Variants in IFI44L observed in about 807,000 individuals in gnomAD.
The protein encoded by IFI44L is interferon-induced protein 44-like.
A neutral mutation model predicts 39.3 loss-of-function variants in IFI44L; 40 were observed. That is an observed-to-expected ratio of 1.02 (90% confidence interval 0.79 to 1.33). The LOEUF is 1.33. Among genes scored for constraint, IFI44L ranks in the 40% most tolerant of loss-of-function variants. IFI44L has a pLI of 0.00. For missense variants in IFI44L, 623 were observed against 549.0 expected, an observed-to-expected ratio of 1.13 and a Z score of -1.35; for synonymous variants, 198 against 182.3, an observed-to-expected ratio of 1.09 and a Z score of -0.69.
Position 78,629,913 on chromosome 1 carries a change from CG to C in IFI44L, c.723+1del. On this transcript the variant is annotated frameshift_variant and splice_region_variant, in exon 4 of 9. Transcript: ENST00000370751. LOFTEE classifies it high-confidence loss of function. ...VGSDITSITE[R>X]YRIYSVKDGK... ...GTCTGATATCACCAGCATAACCGAG[CG>C]GGTAAGTTATTTCCCTGAGGATTTT... 1 of 1,610,308 alleles carries C rather than the reference CG, an allele frequency of 6.2e-7. No homozygotes were observed. The highest frequency in any genetic ancestry group is 8.5e-7 in the Non-Finnish European group (1 of 1,177,668).
At chr1:78,626,417 C>T (rs1372376390) in intron 1 of IFI44L, 1 of 151,970 alleles carries the variant, frequency 6.6e-6, no homozygotes, top group Non-Finnish European at 1.5e-5. Context: ...GGTTTTCTAT[C>T]ATGTTGTTTC....
At chr1:78,628,713 C>T (rs1387707563) in intron 2 of IFI44L, 1 of 522,666 alleles carries the variant, frequency 1.9e-6, no homozygotes, top group Admixed American at 3.6e-5. Flanking sequence ...AAGATCAGAC[C>T]CTTATATGAC....
chr1:78,634,986 T>TTATA (rs542117055), intron 4 of IFI44L, among the ~76,000 whole-genome samples: 19 of 137,624 alleles, frequency 1.4e-4, no homozygotes, highest in African/African-American at 5.1e-4. Context: ...AAACATACCA[T>TTATA]TATATATATA....
At chr1:78,635,238 A>G (rs1652900657) in intron 4 of IFI44L, 99 bp from the exon 5 acceptor site, 3 of 937,136 alleles carry the variant, frequency 3.2e-6, no homozygotes, top group Middle Eastern at 2.9e-4. Context: ...TTTGAGGACC[A>G]TGGTGTTCAA....
rs151125210 is a variant in IFI44L at position 78,628,264 on chromosome 1, T to C, written c.349T>C (p.Ser117Pro). Residue 117 changes from serine to proline, a missense_variant, in exon 2 of 9, where the codon TCG (serine) becomes CCG (proline). Coordinates refer to ENST00000370751, the MANE Select transcript of IFI44L (RefSeq NM_006820.4). Reference sequence around the variant, plus strand: ...TGATGAGCAACTGGTGTGTCGTTTATCGAAAACGGATATTTTCATTATATG... The same window carrying C: ...TGATGAGCAACTGGTGTGTCGTTTACCGAAAACGGATATTTTCATTATATG... ...IIDEQLVCRL[S>P]KTDIFIICRD... 6.2e-6 allele frequency: 10 copies of C among 1,610,594 alleles called. No homozygotes were observed. In the African/African-American group the frequency reaches 1.2e-4, roughly 19 times the overall value.
In IFI44L at chr1:78,641,941, T is replaced by C. The variant is rs1570370472; in HGVS notation, c.*132T>C. 5 of 1,043,974 alleles carry C rather than the reference T, an allele frequency of 4.8e-6. No homozygotes were observed. The East Asian group carries it at 1.2e-4, about 25-fold the overall frequency. 64.7% of individuals were successfully genotyped at this position (1,043,974 alleles called of 1,614,324 possible). A position where few individuals can be genotyped will look rare whatever the true frequency, so the allele number is the denominator to read the frequency against. On this transcript the variant is annotated 3_prime_UTR_variant, in exon 9 of 9. Transcript: ENST00000370751. Reference sequence around the variant, plus strand: ...GCCTTCTGTCCTTGGAACAGTCATATCTCAAGTTCAAAGGCCAAAACCTGA... The same window carrying C: ...GCCTTCTGTCCTTGGAACAGTCATACCTCAAGTTCAAAGGCCAAAACCTGA...
intron 8 of IFI44L, 30 bp downstream of exon 8, chr1:78,641,639 AGAT>A (rs1646986145): frequency 6.2e-7 from 1 of 1,611,934 alleles, no homozygotes; most frequent in African/African-American, 1.3e-5. Flanking sequence ...CCCCTGTCAT[AGAT>A]CACTGGTGCC....
At position 78,641,887 on chromosome 1, in the gene IFI44L, C is replaced by A; in HGVS notation, c.*78C>A. 2 of 1,492,448 alleles carry A rather than the reference C, an allele frequency of 1.3e-6. No homozygotes were observed. The highest frequency in any genetic ancestry group is 1.9e-6 in the Non-Finnish European group (2 of 1,069,592). The allele number at this position is 1,492,448 out of a possible 1,614,324, so 92.5% of individuals were successfully genotyped here. A position where few individuals can be genotyped will look rare whatever the true frequency, so the allele number is the denominator to read the frequency against. Reference sequence around the variant, plus strand: ...ATGAGAGTCAATCTCTATTGACAGCCTGCTTCAGATTTTGCTTTTGTTCGT... The same window carrying A: ...ATGAGAGTCAATCTCTATTGACAGCATGCTTCAGATTTTGCTTTTGTTCGT... On this transcript the variant is annotated 3_prime_UTR_variant, in exon 9 of 9. Transcript: ENST00000370751.
chr1:78,627,204 C>T (rs926540389), intron 1 of IFI44L: 27 of 151,980 alleles, frequency 1.8e-4, no homozygotes, highest in African/African-American at 6.3e-4. Context: ...GTCTTAACTG[C>T]CTTGTTTGCT....
rs1433447426 is a variant in IFI44L at position 78,642,622 on chromosome 1, AAG to A, written c.*817_*818del. 6.6e-6 allele frequency: 1 copy of A among 152,026 alleles called. No homozygotes were observed. The highest frequency in any genetic ancestry group is 2.4e-5 in the African/African-American group (1 of 41,420). 9.4% of individuals were successfully genotyped at this position (152,026 alleles called of 1,614,324 possible). On this transcript the variant is annotated 3_prime_UTR_variant, in exon 9 of 9. Transcript: ENST00000370751. ...AACGAAAAACAGAAAGGAAGACTGA[AAG>A]AGAATGAAAAGCTGGGGAGAGGAAA...
At chr1:78,632,328 T>C (rs79959148) in intron 4 of IFI44L, among the ~76,000 whole-genome samples, 1 of 152,344 alleles carries the variant, frequency 6.6e-6, no homozygotes, top group East Asian at 1.9e-4. Context: ...GTATTCACTA[T>C]TCTGAGCCTG....
In IFI44L at chr1:78,643,113, T is replaced by C. The variant is rs896162168; in HGVS notation, c.*1304T>C. On this transcript the variant is annotated 3_prime_UTR_variant, in exon 9 of 9. Coordinates refer to ENST00000370751, the MANE Select transcript of IFI44L (RefSeq NM_006820.4). The stretch of plus-strand genomic sequence containing the variant: ...TCTAATTTAGTTTTAATCAGAATTA[T>C]ACTCATCTTTTGGGTAGTCATAGAT... The C allele has an allele frequency of 7.5e-6, 1 of 132,530 alleles. No homozygotes were observed. Among genetic ancestry groups the C allele is most frequent in the African/African-American group, 2.5e-5 (1 of 40,224 alleles). 8.2% of individuals were successfully genotyped at this position (132,530 alleles called of 1,614,324 possible).
rs1360621453 is a variant in IFI44L at position 78,645,698 on chromosome 1, C to A, written c.*3889C>A. The A allele has an allele frequency of 6.6e-6, 1 of 152,196 alleles. No individual in the cohort carries two copies. The highest frequency in any genetic ancestry group is 1.5e-5 in the Non-Finnish European group (1 of 68,046). The allele number at this position is 152,196 out of a possible 1,614,324, so 9.4% of individuals were successfully genotyped here. A position where few individuals can be genotyped will look rare whatever the true frequency, so the allele number is the denominator to read the frequency against. On this transcript the variant is annotated 3_prime_UTR_variant, in exon 9 of 9. Coordinates refer to ENST00000370751, the MANE Select transcript of IFI44L (RefSeq NM_006820.4). ...GAAGCCCTCAAATCCCATTCCTAATCTGATGAGTCTATGGACCAATTTGTG... is the reference window on the plus strand; with the variant it reads ...GAAGCCCTCAAATCCCATTCCTAATATGATGAGTCTATGGACCAATTTGTG...
rs869070951 is a variant in IFI44L at position 78,643,668 on chromosome 1, G to GTTT, written c.*1864_*1866dup. 1 of 79,594 alleles carries GTTT rather than the reference G, an allele frequency of 1.3e-5. No individual in the cohort carries two copies. The highest frequency in any genetic ancestry group is 4.7e-5 in the African/African-American group (1 of 21,218). 4.9% of individuals were successfully genotyped at this position (79,594 alleles called of 1,614,324 possible). The stretch of plus-strand genomic sequence containing the variant: ...TTTGTTGTTGTTTTTTTTTTTTTTT[G>GTTT]TTTTTTTGCTGAGTCAATTCCTTGG... On this transcript the variant is annotated 3_prime_UTR_variant, in exon 9 of 9. Transcript: ENST00000370751.
rs571416439 is a variant in IFI44L at position 78,628,506 on chromosome 1, G to A, written c.478+113G>A. 440 of 688,124 alleles carry A rather than the reference G, an allele frequency of 6.4e-4. 5 individuals carry two copies. The highest frequency in any genetic ancestry group is 6.1e-3 in the African/African-American group (339 of 55,910). 42.6% of individuals were successfully genotyped at this position (688,124 alleles called of 1,614,324 possible). ...AAGTGAAAGGAACAGTTAGATTCATGCCATACTCTTTGATAAATTCTGAAA... is the reference window on the plus strand; with the variant it reads ...AAGTGAAAGGAACAGTTAGATTCATACCATACTCTTTGATAAATTCTGAAA... On this transcript the variant is annotated intron_variant, in intron 2 of 8. Coordinates refer to ENST00000370751, the MANE Select transcript of IFI44L (RefSeq NM_006820.4).
In IFI44L at chr1:78,637,083, C is replaced by T. The variant is rs1652977058; in HGVS notation, c.928C>T (p.Pro310Ser). Residue 310 changes from proline (P) to serine (S), a missense_variant, in exon 6 of 9, where the codon CCA becomes TCA. Pro to Ser is a moderately conservative substitution (Grantham distance 74). Coordinates refer to ENST00000370751, the MANE Select transcript of IFI44L (RefSeq NM_006820.4). ...TPEHSTFITS[P>S]SLKDRIHCVA... ...TGAGCATTCTACTTTTATCACCTCT[C>T]CATCTCTGAAGGACAGGATTCACTG... 1.2e-6 allele frequency: 2 copies of T among 1,611,998 alleles called. No homozygotes were observed. The highest frequency in any genetic ancestry group is 4.5e-5 in the East Asian group (2 of 44,794).
chr1:78,632,290 T>C (rs1362169612), intron 4 of IFI44L, among the ~76,000 whole-genome samples: 2 of 152,166 alleles, frequency 1.3e-5, no homozygotes, highest in Non-Finnish European at 2.9e-5. Flanking sequence ...ATTTGAGCTT[T>C]TGAGAAAAAT....
chr1:78,631,748 A>C (rs1652756845), intron 4 of IFI44L: 1 of 152,146 alleles, frequency 6.6e-6, no homozygotes, highest in Non-Finnish European at 1.5e-5. Flanking sequence ...AGACATTTTA[A>C]GGGTATCTCT....
At chr1:78,635,514 C>G (rs1394201540) in intron 5 of IFI44L, 25 bp downstream of exon 5, 1 of 1,594,114 alleles carries the variant, frequency 6.3e-7, no homozygotes, top group African/African-American at 1.3e-5. Context: ...ATATCCAAAA[C>G]ATTTCAAATC....
Sources: gnomAD v4.1 joint callset for allele counts (sites outside exome capture counted in the v4.1 genomes callset) on GRCh38, gnomAD v4.1.1 for gene constraint, MANE v1.5 for transcripts, NCBI Gene and HGNC (gene_info 2026-07-23, HGNC 2026-07-21) for gene names.